Variants in FLNB observed in about 807,000 individuals in gnomAD.
FLNB encodes filamin B.
In FLNB, 111 loss-of-function variants were observed where a neutral mutation model predicts 250.6. That is an observed-to-expected ratio of 0.44 (90% confidence interval 0.38 to 0.52). The LOEUF (loss-of-function observed/expected upper bound fraction) is 0.52, where lower values mean the gene tolerates loss of function less well. FLNB is among the 20% of genes least tolerant of loss of function. The pLI is 0.00. For synonymous variants in FLNB, 1,302 were observed against 1,372.1 expected, an observed-to-expected ratio of 0.95 and a Z score of 1.13; for missense variants, 2,869 against 3,447.8, an observed-to-expected ratio of 0.83 and a Z score of 4.20.
In FLNB at chr3:58,123,318, A is replaced by G. The variant is rs754914843; in HGVS notation, c.3352A>G (p.Ile1118Val). Reference protein sequence around the residue: ...FVNILFEEVHIPGSPFKADIE... With the variant: ...FVNILFEEVHVPGSPFKADIE... ...CAACATCCTCTTTGAAGAAGTCCAC[A>G]TACCTGGGTCTCCCTTCAAAGCTGA... is the stretch of plus-strand genomic sequence containing the variant. The change falls in exon 21 of 46, where the codon ATA becomes GTA. Residue 1118 changes from isoleucine (I) to valine (V), a missense_variant. Ile to Val is a conservative substitution (Grantham distance 29). Coordinates refer to ENST00000295956, the MANE Select transcript of FLNB (RefSeq NM_001457.4). 1 of 1,614,196 alleles carries G rather than the reference A, an allele frequency of 6.2e-7. No homozygotes were observed.
At chr3:58,114,619 C>A (rs1429145577) in intron 18 of FLNB, among the ~76,000 whole-genome samples, 3 of 151,936 alleles carry the variant, frequency 2.0e-5, no homozygotes, top group Non-Finnish European at 4.4e-5. Flanking sequence ...TACTGTATTC[C>A]ACAGTGGCTG....
rs144091705 is a variant in FLNB at position 58,053,862 on chromosome 3, G to A, written c.293-23184G>A. 3.3e-4 allele frequency among the ~76,000 whole-genome samples: 50 copies of A among 152,244 alleles called. No individual in the cohort carries two copies. The East Asian group carries it at 9.3e-3, about 28-fold the overall frequency. On this transcript the variant is annotated intron_variant, in intron 1 of 45. Transcript: ENST00000295956. ...TGCTAGGGACATGGCCTCGTCTTCC[G>A]CTATCTTAGAGTGAAGAAGTAAAGA... is the stretch of plus-strand genomic sequence containing the variant.
chr3:58,080,598 G>A (rs147266295), intron 3 of FLNB, among the ~76,000 whole-genome samples: 1 of 149,376 alleles, frequency 6.7e-6, no homozygotes, highest in South Asian at 2.1e-4. Flanking sequence ...AGGTACAAGC[G>A]ATTCTCCTGT....
intron 1 of FLNB, among the ~76,000 whole-genome samples, chr3:58,012,966 C>A (rs538414596): frequency 4.7e-4 from 71 of 152,324 alleles, no homozygotes; most frequent in African/African-American, 1.7e-3. Context: ...GCTATTGATT[C>A]ACATTTGTGG....
At position 58,061,804 on chromosome 3, in the gene FLNB, T is replaced by TG. The variant is rs894327380; in HGVS notation, c.293-15235dup. Among the ~76,000 whole-genome samples the TG allele has an allele frequency of 4.6e-5, 7 of 150,770 alleles. No individual in the cohort carries two copies. The East Asian group carries it at 7.9e-4, about 17-fold the overall frequency. On this transcript the variant is annotated intron_variant, in intron 1 of 45. Transcript: ENST00000295956. ...GTTTAAATTTTAAAAATTAAATTTT[T>TG]GGGGGGGCTGGGTGTGGTGGCTCAT...
At chr3:58,135,533 C>G (rs887434700) in intron 27 of FLNB, among the ~76,000 whole-genome samples, 1 of 152,196 alleles carries the variant, frequency 6.6e-6, no homozygotes, top group Non-Finnish European at 1.5e-5. Context: ...ACTTCCATTC[C>G]CTTCTGATTT....
rs776455470 is a variant in FLNB at position 58,121,462 on chromosome 3, C to G, written c.3085C>G (p.Pro1029Ala). ...TYDGHPVPGS[P>A]YTVEASLPPD... ...CGATGGACACCCTGTGCCCGGGAGC[C>G]CCTACACAGTGGAGGCCTCGCTGCC... Residue 1029 changes from proline to alanine, a missense_variant, in exon 20 of 46, where the codon CCC (proline) becomes GCC (alanine). By Grantham distance (27) the Pro-to-Ala change is conservative. Transcript: ENST00000295956. The G allele has an allele frequency of 1.2e-6, 2 of 1,614,142 alleles. No homozygotes were observed. The highest frequency in any genetic ancestry group is 2.7e-5 in the African/African-American group (2 of 75,048).
At chr3:58,059,646 T>G (rs373522580) in intron 1 of FLNB, among the ~76,000 whole-genome samples, 2 of 152,276 alleles carry the variant, frequency 1.3e-5, no homozygotes, top group African/African-American at 4.8e-5. Context: ...CCTTGGACAG[T>G]GCGCCTCAGG....
intron 18 of FLNB, among the ~76,000 whole-genome samples, chr3:58,115,981 A>G (rs1243137392): frequency 6.6e-6 from 1 of 152,064 alleles, no homozygotes; most frequent in African/African-American, 2.4e-5. Context: ...CCTTAGATTG[A>G]ATTTCCTTCC....
intron 22 of FLNB, among the ~76,000 whole-genome samples, chr3:58,125,333 A>C (rs1347290345): frequency 6.6e-6 from 1 of 151,958 alleles, no homozygotes; most frequent in Non-Finnish European, 1.5e-5. Flanking sequence ...GGGTCTCGCC[A>C]TGTTGCCCAG....
chr3:58,053,747 C>T (rs975864423), intron 1 of FLNB, among the ~76,000 whole-genome samples: 1 of 152,152 alleles, frequency 6.6e-6, no homozygotes, highest in East Asian at 1.9e-4. Context: ...CAGACGTGAG[C>T]CACTGTACCT....
At chr3:58,059,094 TAAA>T (rs2097174459) in intron 1 of FLNB, among the ~76,000 whole-genome samples, 1 of 152,180 alleles carries the variant, frequency 6.6e-6, no homozygotes, top group Non-Finnish European at 1.5e-5. Flanking sequence ...CTGCAGCAGT[TAAA>T]AAATTGTTTA....
At chr3:58,125,821 C>A in intron 23 of FLNB, 78 bp downstream of exon 23, 1 of 1,374,104 alleles carries the variant, frequency 7.3e-7, no homozygotes, top group Non-Finnish European at 1.0e-6. Flanking sequence ...GGTTTCCTAA[C>A]TTTTGATAAG....
chr3:58,134,143 G>A (rs557350705), intron 26 of FLNB, among the ~76,000 whole-genome samples: 7 of 152,314 alleles, frequency 4.6e-5, no homozygotes, highest in South Asian at 4.1e-4. Context: ...TGGGCCGCAC[G>A]GTGGTGGGTG....
intron 1 of FLNB, among the ~76,000 whole-genome samples, chr3:58,056,110 T>TTATTTATTTA (rs1559661901): frequency 1.7e-4 from 22 of 132,892 alleles, no homozygotes; most frequent in African/African-American, 8.6e-4. Flanking sequence ...TATTTATTTT[T>TTATTTATTTA]TTTTTTTTTG....
At chr3:58,102,054 C>T (rs2097251994) in intron 8 of FLNB, 149 bp from the exon 9 acceptor site, 7 of 767,486 alleles carry the variant, frequency 9.1e-6, no homozygotes, top group Non-Finnish European at 1.3e-5. Context: ...TGGTGTGCTC[C>T]CTGAGTGGGA....
At chr3:58,046,086 G>A (rs538537782) in intron 1 of FLNB, among the ~76,000 whole-genome samples, 51 of 151,708 alleles carry the variant, frequency 3.4e-4, no homozygotes, top group South Asian at 1.9e-3. Context: ...GGTCCAGCCA[G>A]GTTTACAGAT....
In FLNB at chr3:58,146,821, T is replaced by A. The variant is rs774570563; in HGVS notation, c.5556T>A (p.Gly1852=). The change falls in exon 34 of 46, where the codon GGT becomes GGA. Residue 1852 remains glycine, a splice_region_variant and synonymous_variant. Transcript: ENST00000295956. The part of the protein sequence containing the change: ...FTIVTEDAGE[G]GLDLAIEGPS... ...CTGCATCCCTGTTCCCACTTGTAGG[T>A]GGTCTGGACTTGGCTATTGAGGGCC... 4 of 1,614,090 alleles carry A rather than the reference T, an allele frequency of 2.5e-6. No individual in the cohort carries two copies. Among genetic ancestry groups the A allele is most frequent in the Non-Finnish European group, 2.5e-6 (3 of 1,179,988 alleles).
At chr3:58,093,967 G>A (rs1223868375) in intron 4 of FLNB, among the ~76,000 whole-genome samples, 1 of 152,204 alleles carries the variant, frequency 6.6e-6, no homozygotes, top group East Asian at 1.9e-4. Flanking sequence ...GCTAAGGAGA[G>A]TGTGGGTGTG....
Sources: gnomAD v4.1 joint callset for allele counts (sites outside exome capture counted in the v4.1 genomes callset) on GRCh38, gnomAD v4.1.1 for gene constraint, MANE v1.5 for transcripts, NCBI Gene and HGNC (gene_info 2026-07-23, HGNC 2026-07-21) for gene names.